Variants in CARS2 observed in about 807,000 individuals in gnomAD.
The protein encoded by CARS2 is cysteinyl-tRNA synthetase 2, mitochondrial.
In CARS2, 52 loss-of-function variants were observed where a neutral mutation model predicts 68.8. The ratio of observed to expected loss-of-function variants is 0.76; its 90% CI spans 0.61 to 0.95. CARS2 has a LOEUF of 0.95. Among genes scored for constraint, CARS2 ranks in the 40% least tolerant of loss-of-function variants. The pLI, the probability that CARS2 is intolerant of heterozygous loss-of-function variation, is 0.00. For missense variants in CARS2, 780 were observed against 754.2 expected, an observed-to-expected ratio of 1.03 and a Z score of -0.40; for synonymous variants, 314 against 303.6, an observed-to-expected ratio of 1.03 and a Z score of -0.36.
intron 7 of CARS2, among the ~76,000 whole-genome samples, chr13:110,674,707 T>C (rs1383148997): frequency 6.6e-6 from 1 of 152,034 alleles, no homozygotes; most frequent in Non-Finnish European, 1.5e-5. Flanking sequence ...AATTGACAAA[T>C]GGGATCTAAT....
At chr13:110,646,362 T>C (rs1351376519) in intron 11 of CARS2, 1 of 305,552 alleles carries the variant, frequency 3.3e-6, no homozygotes, top group Non-Finnish European at 6.0e-6. Context: ...ATGATGGTTT[T>C]AAAAATCAAT....
At chr13:110,684,518 A>C (rs1472623470) in intron 5 of CARS2, among the ~76,000 whole-genome samples, 2 of 147,402 alleles carry the variant, frequency 1.4e-5, no homozygotes, top group Non-Finnish European at 3.0e-5. Context: ...GGGACAGGGC[A>C]GGGTTTTCTG....
Position 110,642,613 on chromosome 13 carries a change from C to T in CARS2, c.1417-92G>A, listed in dbSNP as rs1401545561. ...CGTGGTTGGGCTCTGGGCCGACACC[C>T]ACCCAGCCCTGGGCTTCCCTGATTC... On this transcript the variant is annotated intron_variant, in intron 13 of 14. Transcript: ENST00000257347. 13 of 1,251,348 alleles carry T rather than the reference C, an allele frequency of 1.0e-5. No individual in the cohort carries two copies. In the South Asian group the frequency reaches 1.4e-4, roughly 14 times the overall value. 77.5% of individuals were successfully genotyped at this position (1,251,348 alleles called of 1,614,324 possible). A position where few individuals can be genotyped will look rare whatever the true frequency, so the allele number is the denominator to read the frequency against.
rs779907566 is a variant in CARS2, at chr13:110,705,650, T to G, written c.225-79A>C. The G allele has an allele frequency of 4.7e-6, 7 of 1,504,410 alleles. No homozygotes were observed. The highest frequency in any genetic ancestry group is 1.7e-5 in the Admixed American group (1 of 58,130). 93.2% of individuals were successfully genotyped at this position (1,504,410 alleles called of 1,614,324 possible). On this transcript the variant is annotated intron_variant, in intron 1 of 14. Coordinates refer to ENST00000257347, the MANE Select transcript of CARS2 (RefSeq NM_024537.4). This position sits in a 1 kb window ranked among gnomAD's most constrained non-coding sequence, Gnocchi z 4.0. ...TCGATTCTGAGTTATAATGATCATA[T>G]AATTTTTAAAGTAATCACTTCTGGG...
At chr13:110,678,334 C>T (rs1327282669) in intron 6 of CARS2, among the ~76,000 whole-genome samples, 1 of 152,170 alleles carries the variant, frequency 6.6e-6, no homozygotes, top group African/African-American at 2.4e-5. Context: ...CATCACCGTG[C>T]GGTGAGGCTG....
chr13:110,682,933 C>T (rs1249018656), intron 6 of CARS2, 118 bp downstream of exon 6: 6 of 582,758 alleles, frequency 1.0e-5, no homozygotes, highest in African/African-American at 1.9e-5. Flanking sequence ...ACAGCTGTGA[C>T]CTGGGTAAGG....
chr13:110,698,106 A>G, intron 3 of CARS2: 1 of 389,196 alleles, frequency 2.6e-6, no homozygotes, highest in Non-Finnish European at 5.0e-6. Flanking sequence ...ATTTCACAAA[A>G]GGAAGATGCA....
intron 6 of CARS2, among the ~76,000 whole-genome samples, chr13:110,680,033 T>C (rs1039493377): frequency 2.0e-5 from 3 of 152,078 alleles, no homozygotes; most frequent in Non-Finnish European, 4.4e-5. Flanking sequence ...CTGCCTTTCT[T>C]ATACAAACTG....
chr13:110,701,608 C>G (rs1330265622), intron 2 of CARS2, 53 bp from the exon 3 acceptor site: 13 of 852,820 alleles, frequency 1.5e-5, no homozygotes, highest in Non-Finnish European at 2.7e-5. Flanking sequence ...CATCAGTTAT[C>G]TTTGTAAAAA....
chr13:110,662,858 A>G (rs2062546583), intron 9 of CARS2: 1 of 374,858 alleles, frequency 2.7e-6, no homozygotes, highest in African/African-American at 2.1e-5. Context: ...ATTCTTCTCC[A>G]TTTATTTTGC....
chr13:110,662,066 G>A (rs1310316197), intron 9 of CARS2, among the ~76,000 whole-genome samples: 1 of 152,240 alleles, frequency 6.6e-6, no homozygotes, highest in Admixed American at 6.5e-5. Flanking sequence ...GATTTGCTTG[G>A]TGCAGGGCTG....
chr13:110,642,844 A>C, intron 13 of CARS2: 2 of 591,268 alleles, frequency 3.4e-6, no homozygotes, highest in East Asian at 3.6e-5. Context: ...ACCTCACGCA[A>C]TTGTGGCCGA....
intron 6 of CARS2, among the ~76,000 whole-genome samples, chr13:110,679,616 A>G (rs2063092994): frequency 7.8e-6 from 1 of 128,934 alleles, no homozygotes; most frequent in South Asian, 3.1e-4. Context: ...AGAGAGAGAG[A>G]GAGAGAGAGG....
intron 1 of CARS2, among the ~76,000 whole-genome samples, chr13:110,711,952 AAG>A: frequency 6.6e-6 from 1 of 152,250 alleles, no homozygotes; most frequent in Non-Finnish European, 1.5e-5. Context: ...AAAAAATCCA[AAG>A]AGTTTTAGAT....
At position 110,705,915 on chromosome 13, in the gene CARS2, C is replaced by A; in HGVS notation, c.179G>T (p.Gly60Val). ...TGVQVYNSLT[G>V]RKEPLIVAHA... Reference sequence around the variant, plus strand: ...CGCCACGATTAGGGGTTCCTTCCTCCCGGTGAGGCTGTTGTACACCTGCAC... The same window carrying A: ...CGCCACGATTAGGGGTTCCTTCCTCACGGTGAGGCTGTTGTACACCTGCAC... The change falls in exon 1 of 15, where the codon GGG becomes GTG. Residue 60 changes from glycine (G) to valine (V), a missense_variant. Gly to Val is a moderately radical substitution (Grantham distance 109). Transcript: ENST00000257347. This position sits in a 1 kb window ranked among gnomAD's most constrained non-coding sequence, Gnocchi z 4.0. 1 of 1,575,888 alleles carries A rather than the reference C, an allele frequency of 6.3e-7. No individual in the cohort carries two copies. The highest frequency in any genetic ancestry group is 8.6e-7 in the Non-Finnish European group (1 of 1,162,968).
intron 3 of CARS2, among the ~76,000 whole-genome samples, chr13:110,688,231 C>T (rs965402438): frequency 1.3e-5 from 2 of 151,518 alleles, no homozygotes; most frequent in Non-Finnish European, 2.9e-5. Context: ...GAAAAAAAGG[C>T]TTATTGACCT....
Position 110,671,089 on chromosome 13 carries a change from T to C in CARS2, c.786-3616A>G, listed in dbSNP as rs530030947. Among the ~76,000 whole-genome samples the C allele has an allele frequency of 4.4e-3, 664 of 151,840 alleles. 8 individuals carry two copies. The highest frequency in any genetic ancestry group is 6.8e-3 in the Middle Eastern group (2 of 294). On this transcript the variant is annotated intron_variant, in intron 7 of 14. Coordinates refer to ENST00000257347, the MANE Select transcript of CARS2 (RefSeq NM_024537.4). ...TGAAAAGACCAAATCTGCGTCTGAT[T>C]GGTGTACCTGAAAGTGACAGGGAGA... is the stretch of plus-strand genomic sequence containing the variant.
chr13:110,713,054 C>A, intron 1 of CARS2: 1 of 1,463,338 alleles, frequency 6.8e-7, no homozygotes, highest in Non-Finnish European at 9.0e-7. Context: ...CCGCCACTTC[C>A]GCCCGTGCCC....
chr13:110,656,933 C>T (rs1416723166), intron 9 of CARS2, among the ~76,000 whole-genome samples: 1 of 151,132 alleles, frequency 6.6e-6, no homozygotes, highest in African/African-American at 2.4e-5. Flanking sequence ...TTCACAACTG[C>T]GAATATCTTA....
Sources: gnomAD v4.1 joint callset for allele counts (sites outside exome capture counted in the v4.1 genomes callset) on GRCh38, gnomAD v4.1.1 for gene constraint, Gnocchi (gnomAD v3.1) non-coding constraint, MANE v1.5 for transcripts, NCBI Gene and HGNC (gene_info 2026-07-23, HGNC 2026-07-21) for gene names.